CNTNAP2: variants seen among roughly 807,000 people sequenced by gnomAD.
CNTNAP2 encodes the protein contactin associated protein 2, also known as contactin-associated protein-like 2.
A neutral mutation model predicts 155.2 loss-of-function variants in CNTNAP2; 98 were observed. The ratio of observed to expected loss-of-function variants is 0.63; its 90% confidence interval spans 0.54 to 0.75. CNTNAP2 has a LOEUF of 0.75. CNTNAP2 is among the 30% of genes least tolerant of loss of function. The probability of loss-of-function intolerance (pLI) is 0.00; values close to 1 mark genes in which losing one functional copy is unlikely to be tolerated. For synonymous variants in CNTNAP2, 651 were observed against 631.2 expected (o/e 1.03, Z -0.47); for missense variants, 1,727 against 1,688.1 (o/e 1.02, Z -0.40).
At chr7:147,461,863 T>C (rs937211445) in intron 10 of CNTNAP2, among the ~76,000 whole-genome samples, 4 of 152,202 alleles carry the variant, frequency 2.6e-5, no homozygotes, top group Non-Finnish European at 5.9e-5. Context: ...CATTCGAAAA[T>C]AGCAGCATTT....
intron 1 of CNTNAP2, among the ~76,000 whole-genome samples, chr7:146,214,257 C>T (rs578161728): frequency 6.6e-6 from 1 of 152,228 alleles, no homozygotes; most frequent in South Asian, 2.1e-4. Flanking sequence ...CATGTAAATG[C>T]TCTTTTTTTG....
At chr7:148,316,155 C>A (rs1249382045) in intron 21 of CNTNAP2, among the ~76,000 whole-genome samples, 1 of 151,998 alleles carries the variant, frequency 6.6e-6, no homozygotes, top group Non-Finnish European at 1.5e-5. Context: ...GAGAGGTTAA[C>A]AATCTACATA....
At position 146,906,046 on chromosome 7, in the gene CNTNAP2, G is replaced by C. The variant is rs1050842305; in HGVS notation, c.402+66142G>C. ...CGAGTCAAAGAAAGGGGTGACGGAC[G>C]CACCTGGAAAATCGGGTCACTCCCA... On this transcript the variant is annotated intron_variant, in intron 3 of 23. Transcript: ENST00000361727. Among the ~76,000 whole-genome samples, 273 of 152,302 alleles carry C rather than the reference G, an allele frequency of 1.8e-3. 3 individuals are homozygous for C. Among genetic ancestry groups the C allele is most frequent in the Non-Finnish European group, 2.1e-4 (14 of 68,024 alleles).
At chr7:146,273,546 C>CA (rs1375199158) in intron 1 of CNTNAP2, among the ~76,000 whole-genome samples, 2 of 152,012 alleles carry the variant, frequency 1.3e-5, no homozygotes. Context: ...ATTTTATTTA[C>CA]AAAAATAGAT....
At chr7:146,808,768 A>G (rs531377220) in intron 2 of CNTNAP2, among the ~76,000 whole-genome samples, 4 of 152,328 alleles carry the variant, frequency 2.6e-5, no homozygotes, top group South Asian at 2.1e-4. Context: ...TGACAGTTTT[A>G]GATTCCACTT....
intron 1 of CNTNAP2, among the ~76,000 whole-genome samples, chr7:146,328,033 A>G (rs563382167): frequency 6.6e-6 from 1 of 152,308 alleles, no homozygotes; most frequent in East Asian, 1.9e-4. Flanking sequence ...CCCTTGGGCC[A>G]CAGACCGGTA....
chr7:146,967,574 G>T (rs1797683265), intron 3 of CNTNAP2, among the ~76,000 whole-genome samples: 1 of 152,186 alleles, frequency 6.6e-6, no homozygotes, highest in African/African-American at 2.4e-5. Context: ...TGAAGCAATT[G>T]TGAATGGGAG....
chr7:146,688,724 C>T (rs562665000), intron 1 of CNTNAP2, among the ~76,000 whole-genome samples: 6 of 152,074 alleles, frequency 3.9e-5, no homozygotes, highest in Admixed American at 6.6e-5. Flanking sequence ...GTGCAGGTCA[C>T]GGGATATGAT....
intron 13 of CNTNAP2, among the ~76,000 whole-genome samples, chr7:147,849,310 G>A (rs952184683): frequency 1.3e-5 from 2 of 152,156 alleles, no homozygotes; most frequent in African/African-American, 4.8e-5. Flanking sequence ...AACAGATTGA[G>A]TATTTTCATT....
chr7:146,525,574 A>ATCTC (rs139098649), intron 1 of CNTNAP2, among the ~76,000 whole-genome samples: 7 of 132,636 alleles, frequency 5.3e-5, no homozygotes, highest in East Asian at 2.0e-4. Context: ...CTATCTATCT[A>ATCTC]TCTCTCTATC....
intron 1 of CNTNAP2, among the ~76,000 whole-genome samples, chr7:146,284,765 G>A (rs984462841): frequency 7.2e-5 from 11 of 152,174 alleles, no homozygotes; most frequent in African/African-American, 1.7e-4. Flanking sequence ...ACCTGACGGG[G>A]TTTGACTGCT....
chr7:146,709,315 A>G (rs6951437), intron 1 of CNTNAP2, among the ~76,000 whole-genome samples: 14,658 of 152,170 alleles, frequency 0.096, 1,914 homozygotes, highest in African/African-American at 0.3. Context: ...ACCACCATGC[A>G]TTCTAACCAT....
Position 148,376,905 on chromosome 7 carries a change from C to T in CNTNAP2, c.3476-6744C>T. Among the ~76,000 whole-genome samples, 2 of 67,708 alleles carry T rather than the reference C, an allele frequency of 3.0e-5. 1 individual carries two copies. Among genetic ancestry groups the T allele is most frequent in the Admixed American group, 4.1e-4 (2 of 4,840 alleles). 44.4% of individuals were successfully genotyped at this position (67,708 alleles called of 152,430 possible). A position where few individuals can be genotyped will look rare whatever the true frequency, so the allele number is the denominator to read the frequency against. ...GAACCTAGATGCCAGCATTTCCATGCCCTGCCTGATGTTTACCATTTGATC... is the reference window on the plus strand; with the variant it reads ...GAACCTAGATGCCAGCATTTCCATGTCCTGCCTGATGTTTACCATTTGATC... On this transcript the variant is annotated intron_variant, in intron 21 of 23. Transcript: ENST00000361727.
At chr7:147,783,820 A>G (rs926022137) in intron 13 of CNTNAP2, among the ~76,000 whole-genome samples, 1 of 152,206 alleles carries the variant, frequency 6.6e-6, no homozygotes, top group Non-Finnish European at 1.5e-5. Context: ...TCTGTGCAAC[A>G]GTAAGCATGC....
In CNTNAP2 at chr7:148,041,859, C is replaced by T. The variant is rs541136169; in HGVS notation, c.2383+63870C>T. 1.6e-4 allele frequency among the ~76,000 whole-genome samples: 24 copies of T among 152,240 alleles called. No homozygotes were observed. In the East Asian group the frequency reaches 2.1e-3, roughly 13 times the overall value. The stretch of plus-strand genomic sequence containing the variant: ...AAGGTAGAATGAGATAGAACCTCCA[C>T]GGAATATATACAATAACAAATTATT... On this transcript the variant is annotated intron_variant, in intron 15 of 23. Transcript: ENST00000361727.
At chr7:146,496,865 A>G (rs774520187) in intron 1 of CNTNAP2, among the ~76,000 whole-genome samples, 4 of 152,194 alleles carry the variant, frequency 2.6e-5, no homozygotes, top group Non-Finnish European at 4.4e-5. Flanking sequence ...GTAGACTTAA[A>G]TCATCCAACT....
intron 10 of CNTNAP2, among the ~76,000 whole-genome samples, chr7:147,435,393 G>A (rs1481770289): frequency 6.6e-6 from 1 of 152,192 alleles, no homozygotes; most frequent in Non-Finnish European, 1.5e-5. Context: ...TTGATTGCTA[G>A]AGTAGGAGAA....
At chr7:147,822,014 G>A (rs1798370124) in intron 13 of CNTNAP2, among the ~76,000 whole-genome samples, 3 of 152,112 alleles carry the variant, frequency 2.0e-5, no homozygotes, top group Admixed American at 6.6e-5. Context: ...AGAAACAATA[G>A]TGTTTAAAAA....
chr7:147,755,146 T>C (rs1211235221), intron 13 of CNTNAP2, among the ~76,000 whole-genome samples: 1 of 152,178 alleles, frequency 6.6e-6, no homozygotes, highest in Non-Finnish European at 1.5e-5. Flanking sequence ...TTAACCCTGC[T>C]AACTTGGATG....
Sources: gnomAD v4.1 joint callset for allele counts (sites outside exome capture counted in the v4.1 genomes callset) on GRCh38, gnomAD v4.1.1 for gene constraint, MANE v1.5 for transcripts, NCBI Gene and HGNC (gene_info 2026-07-23, HGNC 2026-07-21) for gene names.